Variants in EPHA10 observed in about 807,000 individuals in gnomAD.
EPHA10 encodes the protein EPH receptor A10.
Under a neutral mutation model 109.7 loss-of-function variants are expected in EPHA10, and 120 were observed. That is an observed-to-expected ratio of 1.09 (90% CI 0.94 to 1.27). The LOEUF is 1.27. Among genes scored for constraint, EPHA10 ranks in the 50% most tolerant of loss-of-function variants. The probability of loss-of-function intolerance (pLI) is 0.00; values close to 1 mark genes in which losing one functional copy is unlikely to be tolerated. For missense variants in EPHA10, 1,396 were observed against 1,411.1 expected, an observed-to-expected ratio of 0.99 and a Z score of 0.17; for synonymous variants, 640 against 618.9, an observed-to-expected ratio of 1.03 and a Z score of -0.51.
intron 5 of EPHA10, among the ~76,000 whole-genome samples, chr1:37,745,119 C>T (rs180906536): frequency 6.6e-5 from 10 of 152,252 alleles, no homozygotes; most frequent in Non-Finnish European, 1.0e-4. Flanking sequence ...GTGGCTCTGA[C>T]GACACCTTGA....
intron 5 of EPHA10, among the ~76,000 whole-genome samples, chr1:37,739,368 G>C (rs1216588762): frequency 6.6e-6 from 1 of 152,144 alleles, no homozygotes; most frequent in Non-Finnish European, 1.5e-5. Context: ...CTTTGAAACA[G>C]AAAGTAGAAT....
In EPHA10 at chr1:37,720,739, C is replaced by T. The variant is rs2148307947; in HGVS notation, c.2208+44G>A. Reference sequence around the variant, plus strand: ...GAGAAAAGTGAGGGACCCCTGCCCGCTTTACAGAATAAAGTGGTCATTGGC... The same window carrying T: ...GAGAAAAGTGAGGGACCCCTGCCCGTTTTACAGAATAAAGTGGTCATTGGC... On this transcript the variant is annotated intron_variant, in intron 12 of 16. Coordinates refer to ENST00000373048, the MANE Select transcript of EPHA10 (RefSeq NM_001099439.2). The T allele has an allele frequency of 5.0e-6, 8 of 1,609,878 alleles. No individual in the cohort carries two copies. In the Admixed American group the frequency reaches 1.0e-4, roughly 20 times the overall value.
chr1:37,723,333 A>C lies in EPHA10; in HGVS notation c.1812T>G (p.Asp604Glu). ...CACAGTGGAAATACAGCTCCTCTTC[A>C]TCATGGGCATCCCCTCCTCCTTTGC... ...SYGKGGGDAH[D>E]EEELYFHFKV... Residue 604 changes from aspartate (D) to glutamate (E), a missense_variant, in exon 9 of 17, where the codon GAT becomes GAG. Physicochemically the swap from Asp to Glu is conservative, Grantham distance 45 (BLOSUM62 2). Coordinates refer to ENST00000373048, the MANE Select transcript of EPHA10 (RefSeq NM_001099439.2). 6.2e-7 allele frequency: 1 copy of C among 1,614,210 alleles called. No individual in the cohort carries two copies.
At chr1:37,719,680 GCACACACACAGACACAGACACA>G in intron 14 of EPHA10, 73 bp from the exon 15 acceptor site, 1 of 1,522,180 alleles carries the variant, frequency 6.6e-7, no homozygotes, top group Non-Finnish European at 9.0e-7. Flanking sequence ...ACACACACAT[GCACACACACAGACACAGACACA>G]CACACACACA....
intron 7 of EPHA10, among the ~76,000 whole-genome samples, 197 bp downstream of exon 7, chr1:37,731,214 A>C (rs2148329429): frequency 6.6e-6 from 1 of 152,276 alleles, no homozygotes; most frequent in East Asian, 1.9e-4. Context: ...AATCTAATTC[A>C]CGTCGGTGAA....
At position 37,718,645 on chromosome 1, in the gene EPHA10, G is replaced by C. The variant is rs755469597; in HGVS notation, c.2912+16C>G. On this transcript the variant is annotated intron_variant, in intron 16 of 16. Transcript: ENST00000373048. Reference sequence around the variant, plus strand: ...ATCCCCCAGCCCCGGCCTTGACCTTGGTGCCTTGGACTCACTGGGCAGTCA... The same window carrying C: ...ATCCCCCAGCCCCGGCCTTGACCTTCGTGCCTTGGACTCACTGGGCAGTCA... 6.2e-7 allele frequency: 1 copy of C among 1,613,130 alleles called. No individual in the cohort carries two copies.
intron 2 of EPHA10, 97 bp downstream of exon 2, chr1:37,762,688 G>A: frequency 1.8e-6 from 2 of 1,115,476 alleles, no homozygotes; most frequent in Admixed American, 3.2e-5. Flanking sequence ...ACACTCTGAG[G>A]AGCACTTTTG....
chr1:37,732,863 C>CTTTTTTTTT lies in EPHA10; in HGVS notation c.1492-1290_1492-1282dup, dbSNP rs56226051. The stretch of plus-strand genomic sequence containing the variant: ...CAAATATAGCCCTTTTATACTTGTT[C>CTTTTTTTTT]TTTTTTTTTTTTTTTTTTTTTTTTT... On this transcript the variant is annotated intron_variant, in intron 6 of 16. Coordinates refer to ENST00000373048, the MANE Select transcript of EPHA10 (RefSeq NM_001099439.2). Among the ~76,000 whole-genome samples, 46 of 25,036 alleles carry CTTTTTTTTT rather than the reference C, an allele frequency of 1.8e-3. 8 individuals carry two copies. Among genetic ancestry groups the CTTTTTTTTT allele is most frequent in the Non-Finnish European group, 2.2e-3 (26 of 12,014 alleles). 16.4% of individuals were successfully genotyped at this position (25,036 alleles called of 152,430 possible). A position where few individuals can be genotyped will look rare whatever the true frequency, so the allele number is the denominator to read the frequency against.
rs140026506 is a variant in EPHA10 at position 37,733,005 on chromosome 1, G to A, written c.1492-1423C>T. ...CTCCTGGGTTCAAGCAATTCTCCCT[G>A]CCTCAGCCTCCTGAGTAGCTGGGAT... On this transcript the variant is annotated intron_variant, in intron 6 of 16. Transcript: ENST00000373048. 5.8e-3 allele frequency among the ~76,000 whole-genome samples: 847 copies of A among 147,208 alleles called. 4 individuals carry two copies. The highest frequency in any genetic ancestry group is 0.019 in the African/African-American group (773 of 39,818).
intron 11 of EPHA10, among the ~76,000 whole-genome samples, chr1:37,721,083 CTCTT>C (rs1645786483): frequency 6.6e-6 from 1 of 152,042 alleles, no homozygotes; most frequent in South Asian, 2.1e-4. Flanking sequence ...AGAAAGATCA[CTCTT>C]TCTAGGAGTG....
intron 10 of EPHA10, chr1:37,722,302 A>G (rs1246870431): frequency 2.0e-5 from 5 of 249,932 alleles, no homozygotes; most frequent in Non-Finnish European, 4.1e-5. Context: ...CAAGCCTTAA[A>G]GAAAGGACAG....
chr1:37,725,673 G>A (rs574818629), intron 8 of EPHA10, among the ~76,000 whole-genome samples: 3 of 152,284 alleles, frequency 2.0e-5, no homozygotes, highest in East Asian at 3.9e-4. Flanking sequence ...GGTGGTGACA[G>A]GACTTCCACG....
At chr1:37,730,279 T>C (rs1267116805) in intron 7 of EPHA10, among the ~76,000 whole-genome samples, 1 of 152,190 alleles carries the variant, frequency 6.6e-6, no homozygotes, top group Non-Finnish European at 1.5e-5. Flanking sequence ...CACTTCCCTT[T>C]GGACTCAGAG....
chr1:37,746,117 T>TG (rs34965793), intron 5 of EPHA10, among the ~76,000 whole-genome samples: 1 of 150,066 alleles, frequency 6.7e-6, no homozygotes, highest in Non-Finnish European at 1.5e-5. Flanking sequence ...TTTTTTTTTT[T>TG]GAGATGGAGT....
At position 37,753,216 on chromosome 1, in the gene EPHA10, C is replaced by A; in HGVS notation, c.1017G>T (p.Ser339=). 1 of 1,318,276 alleles carries A rather than the reference C, an allele frequency of 7.6e-7. No individual in the cohort carries two copies. The highest frequency in any genetic ancestry group is 2.0e-5 in the South Asian group (1 of 50,270). The allele number at this position is 1,318,276 out of a possible 1,614,324, so 81.7% of individuals were successfully genotyped here. ...GGCTGTACTGCAGGTCCCGCGGCGC[C>A]GACGGCGGCCCTGAGGCGGCACAGG... ...PPSASCTRPP[S]APRDLQYSLS... The change falls in exon 5 of 17, where the codon TCG becomes TCT. Residue 339 remains serine (S), a synonymous_variant. Transcript: ENST00000373048.
chr1:37,718,511 G>A lies in EPHA10; in HGVS notation c.2913-25C>T, dbSNP rs570884245. On this transcript the variant is annotated intron_variant, in intron 16 of 16. Coordinates refer to ENST00000373048, the MANE Select transcript of EPHA10 (RefSeq NM_001099439.2). Reference sequence around the variant, plus strand: ...CCTGAAACAAAGGCTGGTCACACTCGGCTGGCTTGTCCCCAACTTCTGCTC... The same window carrying A: ...CCTGAAACAAAGGCTGGTCACACTCAGCTGGCTTGTCCCCAACTTCTGCTC... 1.5e-5 allele frequency: 24 copies of A among 1,612,560 alleles called. 1 individual carries two copies. Among genetic ancestry groups the A allele is most frequent in the South Asian group, 1.3e-4 (12 of 91,062 alleles).
intron 8 of EPHA10, among the ~76,000 whole-genome samples, chr1:37,724,739 AG>A (rs1234835388): frequency 6.6e-6 from 1 of 152,230 alleles, no homozygotes; most frequent in Non-Finnish European, 1.5e-5. Flanking sequence ...GCTGTCACAC[AG>A]GGGGAAGCGG....
chr1:37,750,438 A>T (rs1002647621), intron 5 of EPHA10, among the ~76,000 whole-genome samples: 1 of 146,296 alleles, frequency 6.8e-6, no homozygotes, highest in African/African-American at 2.5e-5. Context: ...GGCAGTGGAA[A>T]TGGATTAAGA....
In EPHA10 at chr1:37,727,052, C is replaced by T. The variant is rs75982252; in HGVS notation, c.1772+50G>A. ...ATGCCTGTGAGCACACATTAATGTG[C>T]ACGGGACATGACCCACCAGGAGTCA... On this transcript the variant is annotated intron_variant, in intron 8 of 16. Transcript: ENST00000373048. The T allele has an allele frequency of 3.6e-5, 53 of 1,459,936 alleles. No homozygotes were observed. The East Asian group carries it at 1.1e-3, about 31-fold the overall frequency. The allele number at this position is 1,459,936 out of a possible 1,614,324, so 90.4% of individuals were successfully genotyped here.
Sources: gnomAD v4.1 joint callset for allele counts (sites outside exome capture counted in the v4.1 genomes callset) on GRCh38, gnomAD v4.1.1 for gene constraint, MANE v1.5 for transcripts, NCBI Gene and HGNC (gene_info 2026-07-23, HGNC 2026-07-21) for gene names.